CLOCK: variants seen among roughly 807,000 people sequenced by gnomAD.
The protein encoded by CLOCK is circadian locomoter output cycles protein kaput.
A neutral mutation model predicts 118.4 loss-of-function variants in CLOCK; 43 were observed. The observed-to-expected ratio is 0.36, with a 90% CI of 0.28 to 0.47. The LOEUF (loss-of-function observed/expected upper bound fraction) is 0.47, where lower values mean the gene tolerates loss of function less well. CLOCK is among the 20% of genes least tolerant of loss of function. The probability of loss-of-function intolerance (pLI) is 1.00; values close to 1 mark genes in which losing one functional copy is unlikely to be tolerated. For missense variants in CLOCK, 846 were observed against 999.9 expected, an observed-to-expected ratio of 0.85 and a Z score of 2.08; for synonymous variants, 326 against 339.2, an observed-to-expected ratio of 0.96 and a Z score of 0.43.
chr4:55,532,645 C>A (rs1218025314), intron 1 of CLOCK, among the ~76,000 whole-genome samples: 2 of 151,942 alleles, frequency 1.3e-5, no homozygotes, highest in Non-Finnish European at 2.9e-5. Context: ...GGTGGGAGAA[C>A]TGCTTGAAGC....
intron 9 of CLOCK, 82 bp downstream of exon 9, chr4:55,463,603 G>C: frequency 7.1e-7 from 1 of 1,417,078 alleles, no homozygotes; most frequent in Non-Finnish European, 9.9e-7. Context: ...ATTTAAAGAA[G>C]TCTGTATTTT....
In CLOCK at chr4:55,443,689, G is replaced by GT; in HGVS notation, c.1899_1900insA (p.Gln634ThrfsTer30). ...CCCGCTGTGCTCAGTAACATTACCT[G>GT]AGTTGATGTACTCTGTAAAGTCTGT... is the stretch of plus-strand genomic sequence containing the variant. On this transcript the variant is annotated frameshift_variant, in exon 20 of 23. Transcript: ENST00000513440. LOFTEE classifies it high-confidence loss of function. 6.2e-7 allele frequency: 1 copy of GT among 1,613,110 alleles called. No individual in the cohort carries two copies. The highest frequency in any genetic ancestry group is 8.5e-7 in the Non-Finnish European group (1 of 1,179,098).
At chr4:55,499,384 T>C (rs562148874) in intron 2 of CLOCK, among the ~76,000 whole-genome samples, 11 of 152,156 alleles carry the variant, frequency 7.2e-5, no homozygotes, top group Non-Finnish European at 1.2e-4. Context: ...GCGGGGATGG[T>C]TTCTGGACAA....
chr4:55,431,379 T>C lies in CLOCK; in HGVS notation c.*4036A>G, dbSNP rs1344857720. On this transcript the variant is annotated 3_prime_UTR_variant, in exon 23 of 23. Transcript: ENST00000513440. ...TAGTTATATACAAATATATTAAATA[T>C]ACTATAAAAATAGTCGATTCTATTC... 1 of 152,216 alleles carries C rather than the reference T, an allele frequency of 6.6e-6. No homozygotes were observed. The highest frequency in any genetic ancestry group is 2.4e-5 in the African/African-American group (1 of 41,468). The allele number at this position is 152,216 out of a possible 1,614,324, so 9.4% of individuals were successfully genotyped here.
At chr4:55,516,601 G>GT (rs1216111418) in intron 1 of CLOCK, among the ~76,000 whole-genome samples, 7 of 152,014 alleles carry the variant, frequency 4.6e-5, no homozygotes, top group African/African-American at 1.4e-4. Flanking sequence ...TTTAAAGTGG[G>GT]TTTTTTTGGT....
chr4:55,527,671 G>T (rs1664143158), intron 1 of CLOCK, among the ~76,000 whole-genome samples: 1 of 152,162 alleles, frequency 6.6e-6, no homozygotes, highest in Non-Finnish European at 1.5e-5. Context: ...TGAAAAAGCT[G>T]AATATGAACT....
intron 2 of CLOCK, among the ~76,000 whole-genome samples, chr4:55,493,743 TTTTACAGCTATC>T (rs1353570771): frequency 6.6e-6 from 1 of 152,102 alleles, no homozygotes; most frequent in African/African-American, 2.4e-5. Context: ...ACATATTTGG[TTTTACAGCTATC>T]TCTACAATCA....
chr4:55,442,509 G>A lies in CLOCK; in HGVS notation c.2028C>T (p.Val676=). The change falls in exon 21 of 23, where the codon GTC becomes GTT. Residue 676 remains valine, a synonymous_variant. Transcript: ENST00000513440. ...TTTGTGGCATACTAGATGGAATCTG[G>A]ACCATGCTTCCGGCTGCAGGCTGAG... The part of the protein sequence containing the change: ...VISQPAAGSM[V]QIPSSMPQNS... 1 of 1,608,892 alleles carries A rather than the reference G, an allele frequency of 6.2e-7. No individual in the cohort carries two copies.
chr4:55,512,905 GTA>G (rs1232189290), intron 1 of CLOCK, among the ~76,000 whole-genome samples: 1 of 152,162 alleles, frequency 6.6e-6, no homozygotes, highest in Admixed American at 6.5e-5. Flanking sequence ...AGGACAGACC[GTA>G]TATATGACAG....
intron 1 of CLOCK, among the ~76,000 whole-genome samples, chr4:55,532,404 G>T (rs1730608717): frequency 6.6e-6 from 1 of 152,026 alleles, no homozygotes; most frequent in Admixed American, 6.6e-5. Context: ...TTTATATGCA[G>T]AAAGCCCTAA....
chr4:55,466,537 A>T (rs1479989440), intron 8 of CLOCK, among the ~76,000 whole-genome samples: 2 of 152,242 alleles, frequency 1.3e-5, no homozygotes. Flanking sequence ...ATTTGTTACT[A>T]ACAATTTCTT....
At chr4:55,491,770 C>G (rs1727713603) in intron 2 of CLOCK, among the ~76,000 whole-genome samples, 1 of 152,058 alleles carries the variant, frequency 6.6e-6, no homozygotes. Context: ...AAAGAGAAGA[C>G]TGCATGCAAC....
At chr4:55,542,355 A>C (rs1577886086) in intron 1 of CLOCK, among the ~76,000 whole-genome samples, 2 of 64,488 alleles carry the variant, frequency 3.1e-5, no homozygotes, top group South Asian at 4.0e-4. Context: ...AATAATAATA[A>C]TAATAATAAT....
At chr4:55,490,264 C>CAA (rs1265299515) in intron 2 of CLOCK, among the ~76,000 whole-genome samples, 1 of 151,474 alleles carries the variant, frequency 6.6e-6, no homozygotes, top group Non-Finnish European at 1.5e-5. Context: ...ATACAAGAGA[C>CAA]AAAGAAGGAC....
At chr4:55,474,913 G>T (rs1726397923) in intron 7 of CLOCK, among the ~76,000 whole-genome samples, 1 of 152,204 alleles carries the variant, frequency 6.6e-6, no homozygotes, top group Non-Finnish European at 1.5e-5. Flanking sequence ...GATTAATGTT[G>T]TTTTCATGCC....
intron 1 of CLOCK, among the ~76,000 whole-genome samples, chr4:55,532,981 T>C (rs1425993282): frequency 6.6e-6 from 1 of 152,068 alleles, no homozygotes; most frequent in Non-Finnish European, 1.5e-5. Context: ...AGAATACAAA[T>C]AAATGGAAAA....
intron 15 of CLOCK, among the ~76,000 whole-genome samples, chr4:55,451,634 T>C (rs930224022): frequency 6.6e-6 from 1 of 152,180 alleles, no homozygotes; most frequent in Non-Finnish European, 1.5e-5. Flanking sequence ...ACAGGGCTAA[T>C]TTAGGATTTA....
chr4:55,463,095 G>A (rs73151893), intron 9 of CLOCK, among the ~76,000 whole-genome samples: 4,926 of 152,148 alleles, frequency 0.032, 274 homozygotes, highest in African/African-American at 0.11. Flanking sequence ...ATTTGTCAAT[G>A]GACCTAGTAG....
chr4:55,516,956 C>T (rs772028364), intron 1 of CLOCK, among the ~76,000 whole-genome samples: 7 of 152,154 alleles, frequency 4.6e-5, no homozygotes, highest in Admixed American at 2.0e-4. Flanking sequence ...ACAAGTACCA[C>T]GTAATAATCC....
Sources: allele counts gnomAD v4.1 joint callset (sites outside exome capture counted in the v4.1 genomes callset), GRCh38; gene constraint gnomAD v4.1.1; transcripts MANE v1.5; gene names NCBI Gene and HGNC (gene_info 2026-07-23, HGNC 2026-07-21).